PARD3B: variants seen among roughly 807,000 people sequenced by gnomAD.
PARD3B encodes par-3 family cell polarity regulator beta.
PARD3B carries 103 observed loss-of-function variants against 130.2 expected under a neutral mutation model. The observed-to-expected ratio is 0.79, with a 90% CI of 0.67 to 0.93. The LOEUF (loss-of-function observed/expected upper bound fraction) is 0.93. Among genes scored for constraint, PARD3B ranks in the 40% least tolerant of loss-of-function variants. PARD3B has a pLI of 0.00. For missense variants in PARD3B, 1,609 were observed against 1,499.2 expected (o/e 1.07, Z -1.21); for synonymous variants, 583 against 553.2 (o/e 1.05, Z -0.76).
chr2:204,990,711 A>T (rs946873007), intron 3 of PARD3B, among the ~76,000 whole-genome samples: 57 of 152,056 alleles, frequency 3.7e-4, no homozygotes, highest in African/African-American at 1.2e-3. Context: ...ATGTTTTTTG[A>T]TGACCAGGAA....
intron 21 of PARD3B, among the ~76,000 whole-genome samples, chr2:205,512,751 T>C (rs148910869): frequency 1.2e-3 from 179 of 152,216 alleles, no homozygotes; most frequent in African/African-American, 4.1e-3. Flanking sequence ...AAGTTTCTCC[T>C]TTACAGAAAC....
At chr2:204,818,338 TATTA>T (rs1255881056) in intron 2 of PARD3B, among the ~76,000 whole-genome samples, 1 of 152,224 alleles carries the variant, frequency 6.6e-6, no homozygotes, top group Non-Finnish European at 1.5e-5. Context: ...TGAAAGTAGA[TATTA>T]ATTATTCACA....
At position 204,706,856 on chromosome 2, in the gene PARD3B, C is replaced by A. The variant is rs568785790; in HGVS notation, c.222+20574C>A. 7.9e-4 allele frequency among the ~76,000 whole-genome samples: 120 copies of A among 152,190 alleles called. 1 individual carries two copies. Among genetic ancestry groups the A allele is most frequent in the African/African-American group, 2.8e-3 (116 of 41,500 alleles). On this transcript the variant is annotated intron_variant, in intron 2 of 22. Coordinates refer to ENST00000406610, the MANE Select transcript of PARD3B (RefSeq NM_001302769.2). Reference sequence around the variant, plus strand: ...ACATTAATATTTTTCTAGCAAAACACTAATATTTATATCTGGTGAAATAAT... The same window carrying A: ...ACATTAATATTTTTCTAGCAAAACAATAATATTTATATCTGGTGAAATAAT...
At chr2:205,022,561 TTTAG>T (rs1171052627) in intron 3 of PARD3B, among the ~76,000 whole-genome samples, 17 of 152,296 alleles carry the variant, frequency 1.1e-4, no homozygotes, top group Admixed American at 8.5e-4. Context: ...TTTTTCAGAT[TTTAG>T]TTAGATTACA....
rs144908341 is a variant in PARD3B at position 205,036,925 on chromosome 2, A to G, written c.395-10656A>G. Among the ~76,000 whole-genome samples the G allele has an allele frequency of 1.1e-3, 167 of 151,416 alleles. 5 individuals are homozygous for G. In the East Asian group the frequency reaches 0.026, roughly 24 times the overall value. ...ACATATATAGCGGACTGTATATATA[A>G]AAAACATATAGTGGACTGTATATAT... On this transcript the variant is annotated intron_variant, in intron 3 of 22. Transcript: ENST00000406610.
rs2034348636 is a variant in PARD3B, at chr2:204,622,694, A to AG, written c.121-63484dup. Among the ~76,000 whole-genome samples, 8 of 152,222 alleles carry AG rather than the reference A, an allele frequency of 5.3e-5. No individual in the cohort carries two copies. In the South Asian group the frequency reaches 1.7e-3, roughly 32 times the overall value. On this transcript the variant is annotated intron_variant, in intron 1 of 22. Coordinates refer to ENST00000406610, the MANE Select transcript of PARD3B (RefSeq NM_001302769.2). ...TTATGGATGATAAAACAGTCATAAG[A>AG]GGGTAAGTAACATGTCTAAGGTGGT...
At chr2:205,266,264 A>C (rs1002740544) in intron 16 of PARD3B, among the ~76,000 whole-genome samples, 3 of 152,150 alleles carry the variant, frequency 2.0e-5, no homozygotes, top group Admixed American at 6.6e-5. Flanking sequence ...CGACACAGAA[A>C]ATTCACTGAA....
chr2:204,853,680 A>AT (rs1000032599), intron 2 of PARD3B, among the ~76,000 whole-genome samples: 11 of 152,124 alleles, frequency 7.2e-5, no homozygotes, highest in African/African-American at 1.9e-4. Context: ...ATGTTCAATC[A>AT]TTTTTTCCCC....
At chr2:204,640,988 CAT>C (rs1283970529) in intron 1 of PARD3B, among the ~76,000 whole-genome samples, 12 of 147,472 alleles carry the variant, frequency 8.1e-5, no homozygotes, top group African/African-American at 2.0e-4. Context: ...ACTATACACA[CAT>C]ATTTACTGTA....
At chr2:205,083,667 G>A (rs1701570986) in intron 4 of PARD3B, among the ~76,000 whole-genome samples, 1 of 150,804 alleles carries the variant, frequency 6.6e-6, no homozygotes, top group Non-Finnish European at 1.5e-5. Context: ...GATTTCAAAT[G>A]TGGCTGTATT....
chr2:204,877,361 C>T (rs1044794526), intron 2 of PARD3B, among the ~76,000 whole-genome samples: 11 of 151,646 alleles, frequency 7.3e-5, no homozygotes, highest in African/African-American at 2.2e-4. Context: ...CAAACCTGCA[C>T]GTTGTGCACA....
At chr2:205,035,691 T>A (rs1216229384) in intron 3 of PARD3B, among the ~76,000 whole-genome samples, 1 of 150,718 alleles carries the variant, frequency 6.6e-6, no homozygotes, top group African/African-American at 2.4e-5. Context: ...GGCAATAGAT[T>A]ATATGCAGAA....
chr2:205,340,428 A>G (rs1035755465), intron 18 of PARD3B, among the ~76,000 whole-genome samples: 5 of 152,124 alleles, frequency 3.3e-5, no homozygotes, highest in Non-Finnish European at 5.9e-5. Flanking sequence ...AACACAATAG[A>G]GAACCCAGAA....
rs556786383 is a variant in PARD3B at position 205,185,112 on chromosome 2, A to G, written c.1925-652A>G. On this transcript the variant is annotated intron_variant, in intron 13 of 22. Coordinates refer to ENST00000406610, the MANE Select transcript of PARD3B (RefSeq NM_001302769.2). ...GTGGTGATATTAGAGATACATGTCT[A>G]TTCTTATAGTACAGAACAAACTGGA... 1.2e-4 allele frequency among the ~76,000 whole-genome samples: 18 copies of G among 152,338 alleles called. No homozygotes were observed. The East Asian group carries it at 3.5e-3, about 29-fold the overall frequency.
At chr2:204,983,356 G>A (rs1225052743) in intron 3 of PARD3B, among the ~76,000 whole-genome samples, 1 of 148,624 alleles carries the variant, frequency 6.7e-6, no homozygotes, top group Non-Finnish European at 1.5e-5. Flanking sequence ...TCCAACCGAG[G>A]CTTTAATAAA....
chr2:205,453,063 T>C (rs1469457485), intron 20 of PARD3B, among the ~76,000 whole-genome samples: 1 of 152,174 alleles, frequency 6.6e-6, no homozygotes, highest in Non-Finnish European at 1.5e-5. Flanking sequence ...ATTTCTTCAC[T>C]TCGACATAAA....
intron 2 of PARD3B, among the ~76,000 whole-genome samples, chr2:204,951,630 T>G (rs1250455895): frequency 6.6e-6 from 1 of 152,230 alleles, no homozygotes; most frequent in Admixed American, 6.5e-5. Context: ...CTTTGAGAAG[T>G]GTTTCATATG....
At chr2:204,608,696 G>A (rs2033819176) in intron 1 of PARD3B, among the ~76,000 whole-genome samples, 1 of 152,286 alleles carries the variant, frequency 6.6e-6, no homozygotes, top group Admixed American at 6.5e-5. Context: ...AGTAGATTAT[G>A]ATGCCCTGAC....
At chr2:204,598,529 A>AG (rs1387895611) in intron 1 of PARD3B, among the ~76,000 whole-genome samples, 2 of 152,114 alleles carry the variant, frequency 1.3e-5, no homozygotes, top group African/African-American at 4.8e-5. Flanking sequence ...CCTATATGAT[A>AG]GGGCCATTAT....
Sources: gnomAD v4.1 joint callset for allele counts (sites outside exome capture counted in the v4.1 genomes callset) on GRCh38, gnomAD v4.1.1 for gene constraint, MANE v1.5 for transcripts, NCBI Gene and HGNC (gene_info 2026-07-23, HGNC 2026-07-21) for gene names.